The following MAP2K5 variants were observed in gnomAD, a reference collection of about 807,000 sequenced individuals.
MAP2K5 encodes dual specificity mitogen-activated protein kinase kinase 5.
MAP2K5 carries 49 observed loss-of-function variants against 83.1 expected under a neutral mutation model. That is an observed-to-expected ratio of 0.59 (90% CI 0.47 to 0.75). The LOEUF is 0.75. Ranked by LOEUF, MAP2K5 falls within the 30% of genes least tolerant of loss-of-function variation. The pLI, the probability that MAP2K5 is intolerant of heterozygous loss-of-function variation, is 0.00. For missense variants in MAP2K5, 457 were observed against 557.5 expected (o/e 0.82, Z 1.82); for synonymous variants, 202 against 191.8 (o/e 1.05, Z -0.44).
intron 19 of MAP2K5, among the ~76,000 whole-genome samples, chr15:67,767,010 T>G (rs2090052769): frequency 6.6e-6 from 1 of 152,152 alleles, no homozygotes; most frequent in East Asian, 1.9e-4. Context: ...CTTTAATGAG[T>G]GATTCTTTCC....
chr15:67,600,250 G>C lies in MAP2K5; in HGVS notation c.481-435G>C, dbSNP rs543297880. ...GTTAATTATGGGGGTCATCTGAGGA[G>C]TTTTCTAGGGCTGATTTATTTACAG... On this transcript the variant is annotated intron_variant, in intron 7 of 21. Transcript: ENST00000178640. Among the ~76,000 whole-genome samples, 7 of 152,274 alleles carry C rather than the reference G, an allele frequency of 4.6e-5. No homozygotes were observed. In the East Asian group the frequency reaches 1.2e-3, roughly 25 times the overall value.
In MAP2K5 at chr15:67,692,501, A is replaced by G. The variant is rs1222774624; in HGVS notation, c.870A>G (p.Leu290=). 3 of 1,613,552 alleles carry G rather than the reference A, an allele frequency of 1.9e-6. No homozygotes were observed. The highest frequency in any genetic ancestry group is 2.2e-5 in the East Asian group (1 of 44,872). Reference sequence around the variant, plus strand: ...TAGACGTGAAGCCCTCCAATATGCTAGTAAACACAAGAGGACAGGTTAAGC... The same window carrying G: ...TAGACGTGAAGCCCTCCAATATGCTGGTAAACACAAGAGGACAGGTTAAGC... ...LHRDVKPSNM[L]VNTRGQVKLC... Residue 290 remains leucine, a synonymous_variant, in exon 14 of 22, where the codon CTA becomes CTG. Transcript: ENST00000178640.
chr15:67,564,287 A>G (rs1348272890), intron 3 of MAP2K5, among the ~76,000 whole-genome samples: 1 of 152,170 alleles, frequency 6.6e-6, no homozygotes, highest in Non-Finnish European at 1.5e-5. Flanking sequence ...AGAAGAATAG[A>G]TGTGAAAGCC....
At chr15:67,718,988 T>C (rs1000534968) in intron 16 of MAP2K5, among the ~76,000 whole-genome samples, 10 of 152,188 alleles carry the variant, frequency 6.6e-5, no homozygotes, top group South Asian at 4.1e-4. Flanking sequence ...TGCCATGAAT[T>C]ACTAGAATTT....
chr15:67,718,439 T>C (rs559815426), intron 16 of MAP2K5, among the ~76,000 whole-genome samples: 3 of 152,192 alleles, frequency 2.0e-5, no homozygotes, highest in African/African-American at 7.2e-5. Flanking sequence ...GAGATGGGGT[T>C]TGGGGCAGTT....
intron 8 of MAP2K5, among the ~76,000 whole-genome samples, chr15:67,606,024 TG>T (rs1332698740): frequency 6.6e-6 from 1 of 152,192 alleles, no homozygotes; most frequent in African/African-American, 2.4e-5. Flanking sequence ...CTCTTTTTCT[TG>T]GGTAGTATGT....
intron 2 of MAP2K5, among the ~76,000 whole-genome samples, chr15:67,556,461 A>G (rs2084627257): frequency 1.3e-5 from 2 of 152,088 alleles, no homozygotes; most frequent in African/African-American, 4.8e-5. Context: ...TTATTTATAT[A>G]AATTTGTATG....
chr15:67,697,328 A>T (rs2088291154), intron 15 of MAP2K5, among the ~76,000 whole-genome samples: 1 of 152,178 alleles, frequency 6.6e-6, no homozygotes, highest in Non-Finnish European at 1.5e-5. Flanking sequence ...TTAAATCCTC[A>T]CAACACTATG....
At chr15:67,581,420 A>G (rs181233929) in intron 4 of MAP2K5, among the ~76,000 whole-genome samples, 161 of 152,322 alleles carry the variant, frequency 1.1e-3, no homozygotes, top group Middle Eastern at 3.4e-3. Context: ...CTATCCTTGT[A>G]TCAGATATGA....
chr15:67,619,031 C>T (rs1653575684), intron 8 of MAP2K5, among the ~76,000 whole-genome samples: 1 of 152,256 alleles, frequency 6.6e-6, no homozygotes, highest in African/African-American at 2.4e-5. Context: ...GTTTTCCTTA[C>T]CTCTCTGACC....
At chr15:67,723,733 A>G (rs2089023538) in intron 16 of MAP2K5, among the ~76,000 whole-genome samples, 3 of 151,988 alleles carry the variant, frequency 2.0e-5, no homozygotes, top group African/African-American at 7.3e-5. Context: ...ATATGTGTCT[A>G]CATTTTTCAG....
chr15:67,548,980 A>G, intron 1 of MAP2K5: 1 of 1,408,140 alleles, frequency 7.1e-7, no homozygotes, highest in Non-Finnish European at 9.2e-7. Context: ...AAAGCTTCTA[A>G]AGAATTGCCT....
chr15:67,543,260 C>T lies in MAP2K5; in HGVS notation c.-76C>T, dbSNP rs2084330385. 2.0e-6 allele frequency: 3 copies of T among 1,505,776 alleles called. No homozygotes were observed. The highest frequency in any genetic ancestry group is 1.2e-5 in the South Asian group (1 of 86,230). The allele number at this position is 1,505,776 out of a possible 1,614,324, so 93.3% of individuals were successfully genotyped here. A position where few individuals can be genotyped will look rare whatever the true frequency, so the allele number is the denominator to read the frequency against. ...GTCCTCTGCCCGTCACTCCCCTTGT[C>T]ACCTCTTGGAGCCCCCTCCTAACCA... On this transcript the variant is annotated 5_prime_UTR_variant, in exon 1 of 22. Coordinates refer to ENST00000178640, the MANE Select transcript of MAP2K5 (RefSeq NM_145160.3). The surrounding 1 kb of genome is among the most constrained non-coding windows in gnomAD (Gnocchi z 4.3).
Position 67,598,498 on chromosome 15 carries a change from C to T in MAP2K5, c.481-2187C>T, listed in dbSNP as rs2085578747. On this transcript the variant is annotated intron_variant, in intron 7 of 21. Transcript: ENST00000178640. Reference sequence around the variant, plus strand: ...CACATGCACATACACTTGAAATAAACATTCTCCCTCTCCCCTCCTCCTCCC... The same window carrying T: ...CACATGCACATACACTTGAAATAAATATTCTCCCTCTCCCCTCCTCCTCCC... Among the ~76,000 whole-genome samples, 4 of 152,152 alleles carry T rather than the reference C, an allele frequency of 2.6e-5. No individual in the cohort carries two copies. In the South Asian group the frequency reaches 8.3e-4, roughly 32 times the overall value.
intron 1 of MAP2K5, among the ~76,000 whole-genome samples, chr15:67,547,489 T>C (rs989827581): frequency 2.0e-5 from 3 of 149,714 alleles, no homozygotes; most frequent in African/African-American, 7.4e-5. Flanking sequence ...AGAGTCTCGC[T>C]TTGTTGCCCA....
Position 67,746,819 on chromosome 15 carries a change from T to C in MAP2K5, c.1075-1412T>C, listed in dbSNP as rs2089614651. ...GGGCGCCGTGTTCATTTGACAAATA[T>C]ATGGGAAAACACTTTTTAAAACACT... On this transcript the variant is annotated intron_variant, in intron 17 of 21. Coordinates refer to ENST00000178640, the MANE Select transcript of MAP2K5 (RefSeq NM_145160.3). This position sits in a 1 kb window ranked among gnomAD's most constrained non-coding sequence, Gnocchi z 4.1. Among the ~76,000 whole-genome samples, 1 of 152,142 alleles carries C rather than the reference T, an allele frequency of 6.6e-6. No homozygotes were observed. Among genetic ancestry groups the C allele is most frequent in the Non-Finnish European group, 1.5e-5 (1 of 68,024 alleles).
chr15:67,739,452 ATATATATATATTTTTTTTTTTTTTTTTTT>A (rs1157693984), intron 17 of MAP2K5, among the ~76,000 whole-genome samples: 78 of 17,856 alleles, frequency 4.4e-3, no homozygotes, highest in African/African-American at 0.019. Flanking sequence ...ATATATATAT[ATATATATATATTTTTTTTTTTTTTTTTTT>A]TTTTTTTTTT....
rs2089856788 is a variant in MAP2K5 at position 67,757,205 on chromosome 15, C to T, written c.1134+8604C>T. Reference sequence around the variant, plus strand: ...CCTTTTCTCCACATCCTCACCATCCCTAGTTACCTTTTGACTTTTTTGTAA... The same window carrying T: ...CCTTTTCTCCACATCCTCACCATCCTTAGTTACCTTTTGACTTTTTTGTAA... On this transcript the variant is annotated intron_variant, in intron 19 of 21. Transcript: ENST00000178640. This position sits in a 1 kb window ranked among gnomAD's most constrained non-coding sequence, Gnocchi z 4.9. Among the ~76,000 whole-genome samples the T allele has an allele frequency of 6.6e-6, 1 of 152,144 alleles. No homozygotes were observed. Among genetic ancestry groups the T allele is most frequent in the Admixed American group, 6.5e-5 (1 of 15,274 alleles).
chr15:67,680,180 A>G (rs2087782798), intron 13 of MAP2K5, among the ~76,000 whole-genome samples: 2 of 152,168 alleles, frequency 1.3e-5, no homozygotes, highest in Admixed American at 1.3e-4. Flanking sequence ...GTTGAATAGT[A>G]TTCCATTGTA....
Sources: gnomAD v4.1 joint callset for allele counts (sites outside exome capture counted in the v4.1 genomes callset) on GRCh38, gnomAD v4.1.1 for gene constraint, Gnocchi (gnomAD v3.1) non-coding constraint, MANE v1.5 for transcripts, NCBI Gene and HGNC (gene_info 2026-07-23, HGNC 2026-07-21) for gene names.